Variants in PCNX1 observed in about 807,000 individuals in gnomAD.
PCNX1 encodes pecanex-like protein 1.
In PCNX1, 78 loss-of-function variants were observed where a neutral mutation model predicts 242.2. That is an observed-to-expected ratio of 0.32 (90% CI 0.27 to 0.39). PCNX1 has a LOEUF of 0.39. Among genes scored for constraint, PCNX1 ranks in the 10% least tolerant of loss-of-function variants. The probability of loss-of-function intolerance (pLI) is 1.00; values close to 1 mark genes in which losing one functional copy is unlikely to be tolerated. For synonymous variants in PCNX1, 1,024 were observed against 1,032.9 expected (o/e 0.99, Z 0.17); for missense variants, 2,581 against 2,856.5 (o/e 0.90, Z 2.20).
Position 71,110,056 on chromosome 14 carries a change from A to C in PCNX1, c.*121A>C. ...TTGATCCTATGTGGGAGCGACTGAA[A>C]ATAGAATGAGCTTGGTTAAGCACCT... is the stretch of plus-strand genomic sequence containing the variant. On this transcript the variant is annotated 3_prime_UTR_variant, in exon 36 of 36. Transcript: ENST00000304743. 2 of 894,458 alleles carry C rather than the reference A, an allele frequency of 2.2e-6. No homozygotes were observed. The highest frequency in any genetic ancestry group is 3.7e-6 in the Non-Finnish European group (2 of 541,020). The allele number at this position is 894,458 out of a possible 1,614,324, so 55.4% of individuals were successfully genotyped here.
chr14:70,968,266 G>A, intron 4 of PCNX1, 23 bp downstream of exon 4: 2 of 1,579,788 alleles, frequency 1.3e-6, no homozygotes, highest in Non-Finnish European at 1.7e-6. Context: ...TAACTTAAAA[G>A]TTGCACCTGC....
chr14:70,917,869 G>C (rs2056212844), intron 1 of PCNX1, among the ~76,000 whole-genome samples: 1 of 152,214 alleles, frequency 6.6e-6, no homozygotes, highest in South Asian at 2.1e-4. Context: ...CCAAAAATCT[G>C]TTGTTTGGTG....
At chr14:71,056,186 T>C (rs2061177004) in intron 25 of PCNX1, among the ~76,000 whole-genome samples, 1 of 152,234 alleles carries the variant, frequency 6.6e-6, no homozygotes, top group African/African-American at 2.4e-5. Flanking sequence ...CTAAAATAAA[T>C]ATTACTCCCA....
intron 2 of PCNX1, among the ~76,000 whole-genome samples, chr14:70,949,035 T>C (rs1269162329): frequency 6.7e-6 from 1 of 148,998 alleles, no homozygotes; most frequent in Non-Finnish European, 1.5e-5. Context: ...TGTGTGTATA[T>C]ATACACATGT....
chr14:70,951,720 G>C (rs17108756), intron 2 of PCNX1, among the ~76,000 whole-genome samples: 1 of 151,986 alleles, frequency 6.6e-6, no homozygotes, highest in Non-Finnish European at 1.5e-5. Context: ...ACTTACTTTT[G>C]TGAGATATCT....
At position 70,946,934 on chromosome 14, in the gene PCNX1, T is replaced by A; in HGVS notation, c.173T>A (p.Ile58Asn). 1 of 1,611,864 alleles carries A rather than the reference T, an allele frequency of 6.2e-7. No homozygotes were observed. The highest frequency in any genetic ancestry group is 1.1e-5 in the South Asian group (1 of 91,048). The change falls in exon 2 of 36, where the codon ATT becomes AAT. Residue 58 changes from isoleucine (I) to asparagine (N), a missense_variant. Physicochemically the swap from Ile to Asn is moderately radical, Grantham distance 149. This residue lies in a region of PCNX1 where 1,204 missense variants were observed against 1,216.7 expected (regional missense o/e 0.99). Coordinates refer to ENST00000304743, the MANE Select transcript of PCNX1 (RefSeq NM_014982.3). ...TTAAAGGCCCTTCCTTCTACCATGA[T>A]TATAGTAGCAGTTTATTGTCCTGTG... The part of the protein sequence containing the change: ...TLYMALPSTM[I>N]IVAVYCPVIA...
Position 70,909,100 on chromosome 14 carries a change from G to T in PCNX1, c.153+1097G>T, listed in dbSNP as rs538495954. Among the ~76,000 whole-genome samples, 192 of 152,268 alleles carry T rather than the reference G, an allele frequency of 1.3e-3. 1 individual carries two copies. Among genetic ancestry groups the T allele is most frequent in the Middle Eastern group, 3.4e-3 (1 of 294 alleles). ...GGGTGCTGAGTTAGAAAATCCCGGA[G>T]GACCACTATGAGAAGTGCAAAAGGT... On this transcript the variant is annotated intron_variant, in intron 1 of 35. Coordinates refer to ENST00000304743, the MANE Select transcript of PCNX1 (RefSeq NM_014982.3).
intron 6 of PCNX1, among the ~76,000 whole-genome samples, chr14:70,981,094 C>T (rs550271912): frequency 5.6e-4 from 85 of 152,184 alleles, no homozygotes; most frequent in African/African-American, 2.0e-3. Flanking sequence ...TGTTGTGACT[C>T]TAGGAAAGCT....
chr14:71,015,972 C>G (rs369659056), intron 11 of PCNX1, among the ~76,000 whole-genome samples: 20 of 152,124 alleles, frequency 1.3e-4, no homozygotes, highest in African/African-American at 3.9e-4. Context: ...GTGGGAGGAT[C>G]TCTTGAGGCC....
Position 71,047,881 on chromosome 14 carries a change from A to G in PCNX1, c.4235A>G (p.Tyr1412Cys), listed in dbSNP as rs1362429672. 3.7e-6 allele frequency: 6 copies of G among 1,613,222 alleles called. No individual in the cohort carries two copies. The highest frequency in any genetic ancestry group is 5.1e-6 in the Non-Finnish European group (6 of 1,179,444). Residue 1412 changes from tyrosine (Y) to cysteine (C), a missense_variant, in exon 22 of 36, where the codon TAT becomes TGT. Coordinates refer to ENST00000304743, the MANE Select transcript of PCNX1 (RefSeq NM_014982.3). Reference sequence around the variant, plus strand: ...TCTTTTAGCAGCCCTACATATCAGTATGTTACAGTCATCTTTACTGTGCTG... The same window carrying G: ...TCTTTTAGCAGCCCTACATATCAGTGTGTTACAGTCATCTTTACTGTGCTG... ...RSSFSSPTYQ[Y>C]VTVIFTVLFF... is the part of the protein sequence containing the mutation.
chr14:70,911,440 T>C (rs1566810695), intron 1 of PCNX1, among the ~76,000 whole-genome samples: 1 of 152,252 alleles, frequency 6.6e-6, no homozygotes, highest in Non-Finnish European at 1.5e-5. Flanking sequence ...TAAAAATCTT[T>C]TAAGTAGTGA....
rs1282112364 is a variant in PCNX1 at position 71,051,899 on chromosome 14, T to G, written c.4464T>G (p.Phe1488Leu). The G allele has an allele frequency of 6.2e-7, 1 of 1,613,446 alleles. No individual in the cohort carries two copies. The highest frequency in any genetic ancestry group is 1.3e-5 in the African/African-American group (1 of 74,926). Residue 1488 changes from phenylalanine to leucine, a missense_variant, in exon 24 of 36, where the codon TTT becomes TTG. Phe to Leu is a conservative substitution (Grantham distance 22). Coordinates refer to ENST00000304743, the MANE Select transcript of PCNX1 (RefSeq NM_014982.3). ...PFAVPHSAML[F>L]IQAAVSAFFS... ...TTCCCATAGATTCAGCCATGCTGTT[T>G]ATTCAGGCTGCTGTCTCGGCCTTCT...
chr14:71,045,188 A>G lies in PCNX1; in HGVS notation c.3923A>G (p.His1308Arg). The G allele has an allele frequency of 1.2e-6, 2 of 1,613,392 alleles. No homozygotes were observed. The highest frequency in any genetic ancestry group is 1.7e-6 in the Non-Finnish European group (2 of 1,179,430). ...TLVGFVGFVT[H>R]YVLPQVRKQL... ...GTTGGCTTTGTGGGTTTTGTAACCC[A>G]TTATGTGCTGCCTCAAGTTAGAAAA... Residue 1308 changes from histidine to arginine, a missense_variant, in exon 20 of 36, where the codon CAT becomes CGT. By Grantham distance (29) the His-to-Arg change is conservative. Coordinates refer to ENST00000304743, the MANE Select transcript of PCNX1 (RefSeq NM_014982.3).
At chr14:70,932,253 G>A (rs538248929) in intron 1 of PCNX1, among the ~76,000 whole-genome samples, 13 of 152,306 alleles carry the variant, frequency 8.5e-5, no homozygotes, top group African/African-American at 3.1e-4. Context: ...GGCAGCAAAG[G>A]ACAGCTTCCG....
chr14:71,113,340 G>A lies in PCNX1; in HGVS notation c.*3405G>A, dbSNP rs185288544. ...TAGTCAGACAATATTTGTATCCTAA[G>A]TGAGATATGGAAAATTACTCTGTAT... On this transcript the variant is annotated 3_prime_UTR_variant, in exon 36 of 36. Coordinates refer to ENST00000304743, the MANE Select transcript of PCNX1 (RefSeq NM_014982.3). 6.5e-6 allele frequency: 1 copy of A among 152,696 alleles called. No individual in the cohort carries two copies. The highest frequency in any genetic ancestry group is 1.9e-4 in the East Asian group (1 of 5,190). The allele number at this position is 152,696 out of a possible 1,614,324, so 9.5% of individuals were successfully genotyped here.
intron 19 of PCNX1, among the ~76,000 whole-genome samples, chr14:71,040,135 T>C (rs2060663471): frequency 6.6e-6 from 1 of 152,178 alleles, no homozygotes; most frequent in Non-Finnish European, 1.5e-5. Context: ...AAAATCCCCC[T>C]TTCTTGCTGT....
In PCNX1 at chr14:71,054,043, C is replaced by G. The variant is rs1173534193; in HGVS notation, c.4578-1461C>G. On this transcript the variant is annotated intron_variant, in intron 24 of 35. Transcript: ENST00000304743. ...AAGTGATTTGCCTGCCTTGGCCTCT[C>G]AAAGTGCTGGGATTACAGGCATGAG... 2.6e-5 allele frequency among the ~76,000 whole-genome samples: 4 copies of G among 152,190 alleles called. No homozygotes were observed. The East Asian group carries it at 7.7e-4, about 29-fold the overall frequency.
At chr14:71,010,687 A>G (rs996918881) in intron 9 of PCNX1, among the ~76,000 whole-genome samples, 7 of 152,020 alleles carry the variant, frequency 4.6e-5, no homozygotes, top group African/African-American at 1.7e-4. Flanking sequence ...ATTCTTGATT[A>G]ATTAGTTTTC....
chr14:70,978,288 G>A lies in PCNX1; in HGVS notation c.1951G>A (p.Glu651Lys), dbSNP rs760692001. 3.7e-6 allele frequency: 6 copies of A among 1,614,122 alleles called. No homozygotes were observed. Among genetic ancestry groups the A allele is most frequent in the Non-Finnish European group, 5.1e-6 (6 of 1,180,012 alleles). Residue 651 changes from glutamate (E) to lysine (K), a missense_variant, in exon 6 of 36, where the codon GAA (glutamate) becomes AAA (lysine). Around this residue, in one of 9 missense-constraint regions of PCNX1, gnomAD observed 1,204 missense variants for 1,216.7 expected, o/e 0.99. Transcript: ENST00000304743. Reference sequence around the variant, plus strand: ...TCTAAAGACCAAACACACTCATAAAGAAAGGGGCACAGACTCTGAACACAC... The same window carrying A: ...TCTAAAGACCAAACACACTCATAAAAAAAGGGGCACAGACTCTGAACACAC... Reference protein sequence around the residue: ...SALKTKHTHKERGTDSEHTHK... With the variant: ...SALKTKHTHKKRGTDSEHTHK...
Sources: allele counts gnomAD v4.1 joint callset (sites outside exome capture counted in the v4.1 genomes callset), GRCh38; gene constraint gnomAD v4.1.1; regional missense constraint gnomAD v4.1.1; transcripts MANE v1.5; gene names NCBI Gene and HGNC (gene_info 2026-07-23, HGNC 2026-07-21).